STON2: variants seen among roughly 807,000 people sequenced by gnomAD.
STON2 encodes the protein stonin-2.
A neutral mutation model predicts 65.7 loss-of-function variants in STON2; 29 were observed. The ratio of observed to expected loss-of-function variants is 0.44; its 90% confidence interval spans 0.33 to 0.60. The LOEUF is 0.60. Ranked by LOEUF, STON2 falls within the 20% of genes least tolerant of loss-of-function variation. STON2 has a pLI of 0.03. For missense variants in STON2, 1,054 were observed against 1,118.1 expected (o/e 0.94, Z 0.82); for synonymous variants, 404 against 414.2 (o/e 0.98, Z 0.30).
chr14:81,270,606 G>C (rs1296444107), intron 7 of STON2, 64 bp downstream of exon 7: 3 of 1,613,790 alleles, frequency 1.9e-6, no homozygotes, highest in South Asian at 2.2e-5. Context: ...AGGAATAAGA[G>C]GGGGAGGGTA....
intron 5 of STON2, among the ~76,000 whole-genome samples, chr14:81,281,893 CAA>C (rs1300228464): frequency 1.3e-5 from 2 of 152,076 alleles, no homozygotes; most frequent in Non-Finnish European, 2.9e-5. Context: ...TAAAAAATAT[CAA>C]AAGACTTTGT....
Position 81,371,185 on chromosome 14 carries a change from G to A in STON2, c.374C>T (p.Ala125Val). 3.7e-6 allele frequency: 6 copies of A among 1,613,582 alleles called. No individual in the cohort carries two copies. Among genetic ancestry groups the A allele is most frequent in the Non-Finnish European group, 5.1e-6 (6 of 1,179,866 alleles). Residue 125 changes from alanine to valine, a missense_variant and splice_region_variant, in exon 4 of 8, where the codon GCC becomes GTC. Ala to Val is a moderately conservative substitution (Grantham distance 64, BLOSUM62 0). Transcript: ENST00000614646. ...SPPHQETAET[A>V]LPLTMPCWTC... ...CCAGCAGGGCATGGTCAATGGTAGG[G>A]CTGGGGAGAGACCAAAAACCAAAAG...
At chr14:81,423,529 G>T (rs1260477957) in intron 2 of STON2, among the ~76,000 whole-genome samples, 1 of 152,176 alleles carries the variant, frequency 6.6e-6, no homozygotes, top group Non-Finnish European at 1.5e-5. Context: ...AAGGAAGCCA[G>T]GCACTGTGGC....
intron 5 of STON2, among the ~76,000 whole-genome samples, chr14:81,309,444 CATTT>C (rs1248861179): frequency 6.6e-6 from 1 of 152,186 alleles, no homozygotes; most frequent in African/African-American, 2.4e-5. Flanking sequence ...TATGCCTTCT[CATTT>C]ATTTACATGT....
At chr14:81,306,265 A>C in intron 5 of STON2, among the ~76,000 whole-genome samples, 2 of 115,584 alleles carry the variant, frequency 1.7e-5, no homozygotes, top group Non-Finnish European at 3.3e-5. Context: ...AGTTTCACTC[A>C]GTCGCCCAGG....
intron 4 of STON2, among the ~76,000 whole-genome samples, chr14:81,349,936 T>C (rs530306249): frequency 1.3e-5 from 2 of 152,252 alleles, no homozygotes; most frequent in African/African-American, 2.4e-5. Flanking sequence ...GCAACATGGA[T>C]GGAACTGGAG....
At chr14:81,333,766 T>C (rs904019456) in intron 4 of STON2, among the ~76,000 whole-genome samples, 1 of 152,232 alleles carries the variant, frequency 6.6e-6, no homozygotes, top group Non-Finnish European at 1.5e-5. Flanking sequence ...ATTAAGCTAC[T>C]TGGTATCAAC....
At position 81,265,011 on chromosome 14, in the gene STON2, G is replaced by A. The variant is rs1203556955; in HGVS notation, c.*3403C>T. Reference sequence around the variant, plus strand: ...ATTTATGTTCTAAGAGTAATACTATGTACTGGTAAAATGAATTCATTTTTA... The same window carrying A: ...ATTTATGTTCTAAGAGTAATACTATATACTGGTAAAATGAATTCATTTTTA... On this transcript the variant is annotated 3_prime_UTR_variant, in exon 8 of 8. Coordinates refer to ENST00000614646, the MANE Select transcript of STON2 (RefSeq NM_001394390.1). 1 of 979,888 alleles carries A rather than the reference G, an allele frequency of 1.0e-6. No homozygotes were observed. Among genetic ancestry groups the A allele is most frequent in the Non-Finnish European group, 1.2e-6 (1 of 825,448 alleles). 60.7% of individuals were successfully genotyped at this position (979,888 alleles called of 1,614,324 possible). A position where few individuals can be genotyped will look rare whatever the true frequency, so the allele number is the denominator to read the frequency against.
chr14:81,365,614 G>C (rs1025732243), intron 4 of STON2, among the ~76,000 whole-genome samples: 1 of 152,034 alleles, frequency 6.6e-6, no homozygotes, highest in Non-Finnish European at 1.5e-5. Flanking sequence ...AAATTAGCCA[G>C]ACATGGTGGT....
chr14:81,282,806 A>G (rs1235665808), intron 5 of STON2, among the ~76,000 whole-genome samples: 1 of 152,226 alleles, frequency 6.6e-6, no homozygotes, highest in Non-Finnish European at 1.5e-5. Context: ...TGTATTGAGA[A>G]AGCAGCAGTT....
intron 4 of STON2, among the ~76,000 whole-genome samples, chr14:81,359,207 T>C (rs1461483105): frequency 6.6e-6 from 1 of 152,164 alleles, no homozygotes; most frequent in Non-Finnish European, 1.5e-5. Context: ...GACCACAGTG[T>C]AAACAAATGG....
At chr14:81,361,603 A>G (rs1453487939) in intron 4 of STON2, among the ~76,000 whole-genome samples, 2 of 152,138 alleles carry the variant, frequency 1.3e-5, no homozygotes, top group Admixed American at 6.6e-5. Flanking sequence ...GATTTTTTAC[A>G]TTTGACCCCA....
chr14:81,418,060 T>G (rs1397653595), intron 2 of STON2: 1 of 152,280 alleles, frequency 6.6e-6, no homozygotes, highest in African/African-American at 2.4e-5. Context: ...ATTTCTAGTG[T>G]TCAGAGCCAT....
intron 5 of STON2, among the ~76,000 whole-genome samples, chr14:81,284,332 G>A (rs1895249662): frequency 6.6e-6 from 1 of 152,178 alleles, no homozygotes. Flanking sequence ...TAACCCAGTT[G>A]TGAATGCAAA....
At position 81,398,586 on chromosome 14, in the gene STON2, TAACA is replaced by T. The variant is rs1440160808; in HGVS notation, c.-198-10_-198-7del. The T allele has an allele frequency of 3.2e-5, 15 of 476,170 alleles. No homozygotes were observed. Among genetic ancestry groups the T allele is most frequent in the Admixed American group, 2.3e-4 (6 of 26,218 alleles). The allele number at this position is 476,170 out of a possible 1,614,324, so 29.5% of individuals were successfully genotyped here. A position where few individuals can be genotyped will look rare whatever the true frequency, so the allele number is the denominator to read the frequency against. The stretch of plus-strand genomic sequence containing the variant: ...TTAATCTGCCAGGCAGAAATCTGTT[TAACA>T]AACAAACAAACAAAAAATTAAAAAG... On this transcript the variant is annotated splice_polypyrimidine_tract_variant and splice_region_variant and intron_variant, in intron 1 of 7. Transcript: ENST00000614646.
intron 1 of STON2, among the ~76,000 whole-genome samples, chr14:81,399,492 G>C (rs1442640022): frequency 1.3e-5 from 2 of 152,132 alleles, no homozygotes; most frequent in African/African-American, 4.8e-5. Context: ...GCTGCACAAT[G>C]AAAAGTTTAG....
Position 81,398,538 on chromosome 14 carries a change from A to C in STON2, c.-156T>G. On this transcript the variant is annotated 5_prime_UTR_variant, in exon 2 of 8. Transcript: ENST00000614646. ...CAAGGGCAGTACTCAGAATGTAGAC[A>C]GATCAGCCTCTCTTGCCGTTGGTTA... 2.0e-6 allele frequency: 1 copy of C among 503,546 alleles called. No homozygotes were observed. Among genetic ancestry groups the C allele is most frequent in the Non-Finnish European group, 3.5e-6 (1 of 283,496 alleles). The allele number at this position is 503,546 out of a possible 1,614,324, so 31.2% of individuals were successfully genotyped here.
At position 81,265,161 on chromosome 14, in the gene STON2, A is replaced by ATGTAGGTTAT. The variant is rs141581491; in HGVS notation, c.*3243_*3252dup. 1,865 of 984,806 alleles carry ATGTAGGTTAT rather than the reference A, an allele frequency of 1.9e-3. 32 individuals are homozygous for ATGTAGGTTAT. In the African/African-American group the frequency reaches 0.03, roughly 16 times the overall value. The allele number at this position is 984,806 out of a possible 1,614,324, so 61.0% of individuals were successfully genotyped here. On this transcript the variant is annotated 3_prime_UTR_variant, in exon 8 of 8. Coordinates refer to ENST00000614646, the MANE Select transcript of STON2 (RefSeq NM_001394390.1). ...CAGGTAATTTGCCCAACTGTTTTCTATGTAGGTTATTACATAGCTAATTTG... is the reference window on the plus strand; with the variant it reads ...CAGGTAATTTGCCCAACTGTTTTCTATGTAGGTTATTGTAGGTTATTACATAGCTAATTTG...
chr14:81,274,490 G>A (rs1894726495), intron 6 of STON2, among the ~76,000 whole-genome samples: 1 of 151,912 alleles, frequency 6.6e-6, no homozygotes, highest in South Asian at 2.1e-4. Flanking sequence ...CTTTTTCCCT[G>A]TCCTGTATCC....
Sources: allele counts gnomAD v4.1 joint callset (sites outside exome capture counted in the v4.1 genomes callset), GRCh38; gene constraint gnomAD v4.1.1; transcripts MANE v1.5; gene names NCBI Gene and HGNC (gene_info 2026-07-23, HGNC 2026-07-21).